WDR20: variants seen among roughly 807,000 people sequenced by gnomAD.
WDR20 encodes WD repeat domain 20.
Under a neutral mutation model 38.7 loss-of-function variants are expected in WDR20, and 3 were observed. That is an observed-to-expected ratio of 0.08 (90% CI 0.04 to 0.20). WDR20 has a LOEUF of 0.20. Ranked by LOEUF, WDR20 falls within the 10% of genes least tolerant of loss-of-function variation. WDR20 has a pLI of 1.00. For missense variants in WDR20, 559 were observed against 727.7 expected (o/e 0.77, Z 2.67); for synonymous variants, 298 against 285.6 (o/e 1.04, Z -0.44).
intron 1 of WDR20, among the ~76,000 whole-genome samples, chr14:102,146,193 T>C (rs1460892664): frequency 6.6e-6 from 1 of 152,138 alleles, no homozygotes; most frequent in African/African-American, 2.4e-5. Context: ...AGACGAAGTC[T>C]TGCTCTGTCG....
chr14:102,140,401 G>A (rs1181383187), intron 1 of WDR20, among the ~76,000 whole-genome samples: 1 of 152,098 alleles, frequency 6.6e-6, no homozygotes, highest in Non-Finnish European at 1.5e-5. Flanking sequence ...CGTGGGGCGC[G>A]GGGGTTCTGG....
chr14:102,224,735 C>T (rs2064171480), downstream of WDR20: 4 of 456,050 alleles, frequency 8.8e-6, no homozygotes, highest in Non-Finnish European at 1.8e-5. Context: ...CAGCCTGCCC[C>T]ACTCGAAGGC....
At chr14:102,213,751 A>G (rs2153038225), downstream of WDR20, 1 of 985,436 alleles carries the variant, frequency 1.0e-6, no homozygotes, top group Non-Finnish European at 1.2e-6. Context: ...AGTTGCCTGC[A>G]TACAAGGTCC....
intron 1 of WDR20, among the ~76,000 whole-genome samples, chr14:102,168,375 A>G (rs1265613166): frequency 1.3e-5 from 2 of 152,142 alleles, no homozygotes; most frequent in Non-Finnish European, 2.9e-5. Flanking sequence ...AAAAAACTCC[A>G]TATCCCACAG....
intron 1 of WDR20, chr14:102,193,641 C>A: frequency 1.2e-6 from 1 of 826,066 alleles, no homozygotes; most frequent in Non-Finnish European, 1.8e-6. Context: ...CTCAAAGACG[C>A]CTGTAATTTT....
At chr14:102,193,562 C>G in intron 1 of WDR20, 3 of 1,583,454 alleles carry the variant, frequency 1.9e-6, no homozygotes, top group Non-Finnish European at 2.6e-6. Flanking sequence ...ATTCCTTTGC[C>G]CTGGGGCTCC....
chr14:102,173,766 C>T (rs891386890), intron 1 of WDR20, among the ~76,000 whole-genome samples: 6 of 151,906 alleles, frequency 3.9e-5, no homozygotes, highest in South Asian at 2.1e-4. Flanking sequence ...AATAACTAGC[C>T]GGGCGAGGTG....
At chr14:102,185,648 T>G (rs1485473592) in intron 1 of WDR20, among the ~76,000 whole-genome samples, 1 of 152,032 alleles carries the variant, frequency 6.6e-6, no homozygotes, top group Non-Finnish European at 1.5e-5. Flanking sequence ...TCCATGGAGG[T>G]GCTTTGTAAA....
At chr14:102,176,998 G>T (rs1052755354) in intron 1 of WDR20, among the ~76,000 whole-genome samples, 9 of 152,102 alleles carry the variant, frequency 5.9e-5, no homozygotes, top group Admixed American at 5.9e-4. Context: ...AAAGTGCTGG[G>T]ATTACAGGCG....
chr14:102,224,653 G>C, downstream of WDR20: 1 of 455,956 alleles, frequency 2.2e-6, no homozygotes, highest in Non-Finnish European at 4.4e-6. Flanking sequence ...ATGCAGCCAC[G>C]GAAAACTTCA....
chr14:102,159,690 G>A (rs1225396493), intron 1 of WDR20, among the ~76,000 whole-genome samples: 4 of 151,622 alleles, frequency 2.6e-5, no homozygotes, highest in Admixed American at 6.6e-5. Context: ...AAAGATCAAC[G>A]AGGAGTGGTG....
chr14:102,186,088 C>G (rs1205474667), intron 1 of WDR20, among the ~76,000 whole-genome samples: 1 of 152,170 alleles, frequency 6.6e-6, no homozygotes, highest in East Asian at 1.9e-4. Flanking sequence ...CATAAGTGAC[C>G]CAAGCCTAAC....
At chr14:102,212,630 A>T, downstream of WDR20, 1 of 1,534,002 alleles carries the variant, frequency 6.5e-7, no homozygotes. Flanking sequence ...GGGGCAGGGA[A>T]GCGCCCTTCT....
chr14:102,214,840 A>G, downstream of WDR20: 1 of 983,914 alleles, frequency 1.0e-6, no homozygotes, highest in Non-Finnish European at 1.2e-6. Flanking sequence ...ATTGTTTTAT[A>G]ATTTTAAGGA....
At chr14:102,218,305 C>T (rs2063471631), downstream of WDR20, among the ~76,000 whole-genome samples, 1 of 152,080 alleles carries the variant, frequency 6.6e-6, no homozygotes, top group Non-Finnish European at 1.5e-5. Flanking sequence ...CCACAGCTGT[C>T]TCCTTGAGGT....
At chr14:102,214,381 A>C, downstream of WDR20, 3 of 985,426 alleles carry the variant, frequency 3.0e-6, no homozygotes, top group Non-Finnish European at 3.6e-6. Flanking sequence ...GGCCGAAGTG[A>C]AGTCTGTGGC....
intron 1 of WDR20, among the ~76,000 whole-genome samples, chr14:102,149,973 A>G (rs1451172136): frequency 2.6e-5 from 4 of 152,158 alleles, no homozygotes; most frequent in Non-Finnish European, 4.4e-5. Flanking sequence ...GATTACAGGC[A>G]TGAGCCACCG....
At chr14:102,144,703 TG>T (rs974209406) in intron 1 of WDR20, among the ~76,000 whole-genome samples, 4 of 148,040 alleles carry the variant, frequency 2.7e-5, no homozygotes, top group Middle Eastern at 3.5e-3. Flanking sequence ...TTTTTTGTTT[TG>T]TTTTTTTTTT....
chr14:102,173,762 T>C (rs1361252314), intron 1 of WDR20, among the ~76,000 whole-genome samples: 1 of 151,842 alleles, frequency 6.6e-6, no homozygotes, highest in Non-Finnish European at 1.5e-5. Context: ...TTAGAATAAC[T>C]AGCCGGGCGA....
Sources: gnomAD v4.1 joint callset for allele counts (sites outside exome capture counted in the v4.1 genomes callset) on GRCh38, gnomAD v4.1.1 for gene constraint, MANE v1.5 for transcripts, NCBI Gene and HGNC (gene_info 2026-07-23, HGNC 2026-07-21) for gene names.